C1QL1: variants seen among roughly 807,000 people sequenced by gnomAD.
The protein encoded by C1QL1 is complement C1q like 1.
A neutral mutation model predicts 14.2 loss-of-function variants in C1QL1; 15 were observed. The observed-to-expected ratio is 1.06, with a 90% CI of 0.71 to 1.62. C1QL1 has a LOEUF of 1.62. C1QL1 is among the 40% of genes most tolerant of loss of function. The pLI, the probability that C1QL1 is intolerant of heterozygous loss-of-function variation, is 0.00. For missense variants in C1QL1, 346 were observed against 380.3 expected (o/e 0.91, Z 0.75); for synonymous variants, 172 against 172.4 (o/e 1.00, Z 0.02).
At position 44,963,546 on chromosome 17, in the gene C1QL1, C is replaced by T. The variant is rs545136004; in HGVS notation, c.598-3179G>A. On this transcript the variant is annotated intron_variant, in intron 1 of 1. Transcript: ENST00000253407. ...CAAGTGATTCTCCTACCTCAGCCTC[C>T]CGAGTAACTGGAATTACAGGCACCC... is the stretch of plus-strand genomic sequence containing the variant. 1.2e-3 allele frequency among the ~76,000 whole-genome samples: 182 copies of T among 152,212 alleles called. 1 individual carries two copies. The highest frequency in any genetic ancestry group is 4.2e-3 in the African/African-American group (176 of 41,530).
intron 1 of C1QL1, among the ~76,000 whole-genome samples, chr17:44,964,110 G>C (rs2052643187): frequency 6.6e-6 from 1 of 152,140 alleles, no homozygotes; most frequent in East Asian, 1.9e-4. Flanking sequence ...CTCAGATAAG[G>C]ACAGAGGGAG....
intron 1 of C1QL1, among the ~76,000 whole-genome samples, chr17:44,963,589 TG>T (rs1567809264): frequency 1.3e-5 from 2 of 151,926 alleles, no homozygotes; most frequent in African/African-American, 4.8e-5. Flanking sequence ...CACCCGGCTA[TG>T]TTTTTTTGTA....
rs1567810424 is a variant in C1QL1, at chr17:44,967,918, G to T, written c.131C>A (p.Ala44Glu). Residue 44 changes from alanine to glutamate, a missense_variant, in exon 1 of 2, where the codon GCG becomes GAG. Transcript: ENST00000253407. This position sits in a 1 kb window ranked among gnomAD's most constrained non-coding sequence, Gnocchi z 7.0. ...PYPARGPGAGARTDGGDALSE... is the reference protein window; with the variant it reads ...PYPARGPGAGERTDGGDALSE... ...CAGGGCGTCGCCGCCGTCGGTCCGC[G>T]CGCCGGCGCCGGGGCCCCGCGCGGG... 1 of 1,258,726 alleles carries T rather than the reference G, an allele frequency of 7.9e-7. No individual in the cohort carries two copies. Among genetic ancestry groups the T allele is most frequent in the Non-Finnish European group, 9.9e-7 (1 of 1,006,594 alleles). The allele number at this position is 1,258,726 out of a possible 1,614,324, so 78.0% of individuals were successfully genotyped here.
intron 1 of C1QL1, among the ~76,000 whole-genome samples, chr17:44,962,261 G>C (rs1355491757): frequency 6.6e-6 from 1 of 152,212 alleles, no homozygotes; most frequent in East Asian, 1.9e-4. Flanking sequence ...CAGCACTGCA[G>C]GTCAGCTGTG....
rs1299108778 is a variant in C1QL1, at chr17:44,967,798, G to A, written c.251C>T (p.Pro84Leu). 2.1e-6 allele frequency: 3 copies of A among 1,440,126 alleles called. No homozygotes were observed. Among genetic ancestry groups the A allele is most frequent in the Non-Finnish European group, 2.7e-6 (3 of 1,111,982 alleles). 89.2% of individuals were successfully genotyped at this position (1,440,126 alleles called of 1,614,324 possible). ...RTGKPGPPGP[P>L]GDPGPPGPVG... ...AGGGCCGGGAGGACCTGGGTCCCCG[G>A]GAGGCCCCGGAGGGCCGGGCTTGCC... The change falls in exon 1 of 2, where the codon CCC (proline) becomes CTC (leucine). Residue 84 changes from proline (P) to leucine (L), a missense_variant. Physicochemically the swap from Pro to Leu is moderately conservative, Grantham distance 98 (BLOSUM62 -3). Coordinates refer to ENST00000253407, the MANE Select transcript of C1QL1 (RefSeq NM_006688.5). The surrounding 1 kb of genome is among the most constrained non-coding windows in gnomAD (Gnocchi z 7.0).
chr17:44,965,015 ATT>A (rs564042405), intron 1 of C1QL1, among the ~76,000 whole-genome samples: 7 of 132,660 alleles, frequency 5.3e-5, no homozygotes, highest in Non-Finnish European at 4.9e-5. Context: ...TAATGTTTGT[ATT>A]TTTTTTTTTT....
intron 1 of C1QL1, among the ~76,000 whole-genome samples, chr17:44,962,638 G>A (rs1459112116): frequency 2.0e-5 from 3 of 152,196 alleles, no homozygotes; most frequent in Admixed American, 1.3e-4. Flanking sequence ...GCCAACTTCT[G>A]TATTGTTCCC....
intron 1 of C1QL1, among the ~76,000 whole-genome samples, chr17:44,965,163 C>A (rs1407889548): frequency 1.3e-5 from 2 of 152,222 alleles, no homozygotes; most frequent in African/African-American, 4.8e-5. Flanking sequence ...CAGGTGCCTG[C>A]CACCACGCCC....
chr17:44,965,455 T>C (rs1359368129), intron 1 of C1QL1, among the ~76,000 whole-genome samples: 1 of 152,118 alleles, frequency 6.6e-6, no homozygotes, highest in Non-Finnish European at 1.5e-5. Context: ...GCCTCTCCTG[T>C]TTTTCTTTTG....
At chr17:44,964,297 T>C (rs1010947200) in intron 1 of C1QL1, among the ~76,000 whole-genome samples, 3 of 152,248 alleles carry the variant, frequency 2.0e-5, no homozygotes, top group Non-Finnish European at 4.4e-5. Context: ...TCACAAGAGA[T>C]ACAAGCTTCT....
chr17:44,967,995 C>A lies in C1QL1; in HGVS notation c.54G>T (p.Pro18=), dbSNP rs564009379. ...TGCCCAGCATCTCATAGTGGCCTTC[C>A]GGGCCGCCCGAGCTCACCAGCACGG... The part of the protein sequence containing the change: ...LIPVLVSSGG[P]EGHYEMLGTC... The change falls in exon 1 of 2, where the codon CCG becomes CCT. Residue 18 remains proline, a synonymous_variant. Coordinates refer to ENST00000253407, the MANE Select transcript of C1QL1 (RefSeq NM_006688.5). This position sits in a 1 kb window ranked among gnomAD's most constrained non-coding sequence, Gnocchi z 7.0. The A allele has an allele frequency of 1.4e-6, 2 of 1,385,248 alleles. No homozygotes were observed. The highest frequency in any genetic ancestry group is 2.5e-5 in the Admixed American group (1 of 39,712). 85.8% of individuals were successfully genotyped at this position (1,385,248 alleles called of 1,614,324 possible). A position where few individuals can be genotyped will look rare whatever the true frequency, so the allele number is the denominator to read the frequency against.
rs753070703 is a variant in C1QL1, at chr17:44,960,137, G to C, written c.*51C>G. The stretch of plus-strand genomic sequence containing the variant: ...GGGCGAGTCATCGTCTGCCCCGCCC[G>C]GAGGGGACCCCGGCGGGTGAGGGAC... On this transcript the variant is annotated 3_prime_UTR_variant, in exon 2 of 2. Transcript: ENST00000253407. 1.9e-6 allele frequency: 3 copies of C among 1,569,574 alleles called. No individual in the cohort carries two copies. The highest frequency in any genetic ancestry group is 2.6e-6 in the Non-Finnish European group (3 of 1,142,624).
intron 1 of C1QL1, among the ~76,000 whole-genome samples, chr17:44,961,808 C>T (rs1040293819): frequency 6.7e-6 from 1 of 150,260 alleles, no homozygotes; most frequent in Non-Finnish European, 1.5e-5. Flanking sequence ...ATGGCGTGAA[C>T]CCGGGAAGCG....
intron 1 of C1QL1, among the ~76,000 whole-genome samples, chr17:44,961,910 A>G (rs7222884): frequency 0.024 from 3,127 of 128,922 alleles, 40 homozygotes; most frequent in African/African-American, 0.048. Flanking sequence ...AAAAAAAAAA[A>G]AGAGAGAGAG....
At chr17:44,961,910 A>AAGAGAGAGAG (rs1279714342) in intron 1 of C1QL1, among the ~76,000 whole-genome samples, 30 of 129,752 alleles carry the variant, frequency 2.3e-4, no homozygotes, top group Non-Finnish European at 3.1e-4. Flanking sequence ...AAAAAAAAAA[A>AAGAGAGAGAG]AGAGAGAGAG....
intron 1 of C1QL1, among the ~76,000 whole-genome samples, chr17:44,961,691 C>G (rs2052627790): frequency 6.7e-6 from 1 of 150,006 alleles, no homozygotes; most frequent in Admixed American, 6.6e-5. Context: ...TCGAGACCAT[C>G]CTGGCTAACA....
intron 1 of C1QL1, among the ~76,000 whole-genome samples, chr17:44,963,553 A>T (rs1048573032): frequency 2.0e-5 from 3 of 151,906 alleles, no homozygotes; most frequent in African/African-American, 7.3e-5. Flanking sequence ...CTCCCGAGTA[A>T]CTGGAATTAC....
intron 1 of C1QL1, among the ~76,000 whole-genome samples, chr17:44,964,867 G>A (rs1294104431): frequency 6.7e-6 from 1 of 150,326 alleles, no homozygotes; most frequent in Non-Finnish European, 1.5e-5. Flanking sequence ...TTGAGACAGA[G>A]TCTCACTCTG....
At chr17:44,964,033 T>G (rs1204138100) in intron 1 of C1QL1, among the ~76,000 whole-genome samples, 1 of 152,166 alleles carries the variant, frequency 6.6e-6, no homozygotes, top group Non-Finnish European at 1.5e-5. Flanking sequence ...TGCATCCTAA[T>G]GGCCAGGACT....
Sources: allele counts gnomAD v4.1 joint callset (sites outside exome capture counted in the v4.1 genomes callset), GRCh38; gene constraint gnomAD v4.1.1; non-coding constraint Gnocchi (gnomAD v3.1); transcripts MANE v1.5; gene names NCBI Gene and HGNC (gene_info 2026-07-23, HGNC 2026-07-21).